The following NAB1 variants were observed in gnomAD, a reference collection of about 807,000 sequenced individuals.
NAB1 encodes the protein NGFI-A binding protein 1.
A neutral mutation model predicts 49.9 loss-of-function variants in NAB1; 25 were observed. That is an observed-to-expected ratio of 0.50 (90% confidence interval 0.37 to 0.70). The LOEUF is 0.70. Among genes scored for constraint, NAB1 ranks in the 30% least tolerant of loss-of-function variants. The pLI, the probability that NAB1 is intolerant of heterozygous loss-of-function variation, is 0.00. For missense variants in NAB1, 489 were observed against 575.9 expected, an observed-to-expected ratio of 0.85 and a Z score of 1.54; for synonymous variants, 198 against 215.6, an observed-to-expected ratio of 0.92 and a Z score of 0.71.
At chr2:190,671,925 A>C (rs1313407428) in intron 5 of NAB1, among the ~76,000 whole-genome samples, 1 of 151,516 alleles carries the variant, frequency 6.6e-6, no homozygotes, top group Non-Finnish European at 1.5e-5. Flanking sequence ...ACAGGCGTGC[A>C]CCACCATGCC....
chr2:190,678,362 AC>A lies in NAB1; in HGVS notation c.1005+5211del, dbSNP rs1695172792. On this transcript the variant is annotated intron_variant, in intron 6 of 9. Transcript: ENST00000337386. This position sits in a 1 kb window ranked among gnomAD's most constrained non-coding sequence, Gnocchi z 4.9. ...AGTTCCATGAACAAATTTGTTATTA[AC>A]TCCAATGTTATAAGTAACATCTTAG... Among the ~76,000 whole-genome samples the A allele has an allele frequency of 6.6e-6, 1 of 152,100 alleles. No homozygotes were observed. Among genetic ancestry groups the A allele is most frequent in the Non-Finnish European group, 1.5e-5 (1 of 68,030 alleles).
chr2:190,662,530 G>C (rs2125645119), intron 4 of NAB1, among the ~76,000 whole-genome samples: 1 of 152,146 alleles, frequency 6.6e-6, no homozygotes, highest in East Asian at 1.9e-4. Flanking sequence ...CAGGTGCCAA[G>C]GGACAAACCC....
Position 190,670,408 on chromosome 2 carries a change from C to T in NAB1, c.902C>T (p.Ala301Val). The T allele has an allele frequency of 6.2e-7, 1 of 1,613,946 alleles. No homozygotes were observed. The highest frequency in any genetic ancestry group is 8.5e-7 in the Non-Finnish European group (1 of 1,179,906). ...LTRRDELFAL[A>V]RQISREVTYK... ...AGAAGAGATGAGCTTTTTGCCTTGGCTCGACAGATTTCTCGAGAAGTCACC... is the reference window on the plus strand; with the variant it reads ...AGAAGAGATGAGCTTTTTGCCTTGGTTCGACAGATTTCTCGAGAAGTCACC... Residue 301 changes from alanine to valine, a missense_variant, in exon 5 of 10, where the codon GCT (alanine) becomes GTT (valine). Ala to Val is a moderately conservative substitution (Grantham distance 64, BLOSUM62 0). Transcript: ENST00000337386. The surrounding 1 kb of genome is among the most constrained non-coding windows in gnomAD (Gnocchi z 5.3).
At chr2:190,672,178 C>G (rs116795221) in intron 5 of NAB1, among the ~76,000 whole-genome samples, 2 of 152,208 alleles carry the variant, frequency 1.3e-5, no homozygotes, top group South Asian at 2.1e-4. Context: ...TTTTTTACGG[C>G]TGCATGGTAT....
At position 190,667,358 on chromosome 2, in the gene NAB1, A is replaced by G. The variant is rs1326272902; in HGVS notation, c.820-2968A>G. On this transcript the variant is annotated intron_variant, in intron 4 of 9. Transcript: ENST00000337386. This position sits in a 1 kb window ranked among gnomAD's most constrained non-coding sequence, Gnocchi z 4.4. ...ATCAGAGGTTTCCTTAGTAATTTAG[A>G]TTTATTAATATGAAAAATAAATCGC... Among the ~76,000 whole-genome samples the G allele has an allele frequency of 6.6e-6, 1 of 152,200 alleles. No individual in the cohort carries two copies. The highest frequency in any genetic ancestry group is 1.5e-5 in the Non-Finnish European group (1 of 68,030).
rs1445564250 is a variant in NAB1, at chr2:190,675,605, A to G, written c.1005+2453A>G. On this transcript the variant is annotated intron_variant, in intron 6 of 9. Coordinates refer to ENST00000337386, the MANE Select transcript of NAB1 (RefSeq NM_005966.4). The surrounding 1 kb of genome is among the most constrained non-coding windows in gnomAD (Gnocchi z 5.2). ...CTCTGGATTCAAAATTAAGATAATC[A>G]GTGTTACTTTTCCCTGTGAATAACT... is the stretch of plus-strand genomic sequence containing the variant. Among the ~76,000 whole-genome samples the G allele has an allele frequency of 6.6e-6, 1 of 152,212 alleles. No individual in the cohort carries two copies.
At position 190,669,260 on chromosome 2, in the gene NAB1, G is replaced by A. The variant is rs1254183598; in HGVS notation, c.820-1066G>A. On this transcript the variant is annotated intron_variant, in intron 4 of 9. Coordinates refer to ENST00000337386, the MANE Select transcript of NAB1 (RefSeq NM_005966.4). The surrounding 1 kb of genome is among the most constrained non-coding windows in gnomAD (Gnocchi z 4.3). ...GGGTCCCAGTTGACCACAGGTAACT[G>A]AAACCTCAGACAGCAAAACTGTGGG... Among the ~76,000 whole-genome samples, 1 of 152,226 alleles carries A rather than the reference G, an allele frequency of 6.6e-6. No homozygotes were observed. Among genetic ancestry groups the A allele is most frequent in the East Asian group, 1.9e-4 (1 of 5,208 alleles).
At chr2:190,668,313 C>T (rs1162464801) in intron 4 of NAB1, among the ~76,000 whole-genome samples, 1 of 151,992 alleles carries the variant, frequency 6.6e-6, no homozygotes, top group Non-Finnish European at 1.5e-5. Flanking sequence ...ATCTCTTATG[C>T]AGCTTTTTTT....
chr2:190,688,090 CA>C (rs1695708773), intron 9 of NAB1, among the ~76,000 whole-genome samples: 1 of 152,144 alleles, frequency 6.6e-6, no homozygotes. Context: ...GAGACCAGCA[CA>C]ATTTGAAAGA....
intron 5 of NAB1, among the ~76,000 whole-genome samples, chr2:190,671,921 G>T (rs1007288070): frequency 6.6e-6 from 1 of 151,634 alleles, no homozygotes; most frequent in Non-Finnish European, 1.5e-5. Flanking sequence ...GACTACAGGC[G>T]TGCACCACCA....
chr2:190,667,787 G>A lies in NAB1; in HGVS notation c.820-2539G>A, dbSNP rs953311970. Among the ~76,000 whole-genome samples, 1 of 152,010 alleles carries A rather than the reference G, an allele frequency of 6.6e-6. No homozygotes were observed. Among genetic ancestry groups the A allele is most frequent in the African/African-American group, 2.4e-5 (1 of 41,358 alleles). The stretch of plus-strand genomic sequence containing the variant: ...CATTCTAGATGGTTTAAATACTTAG[G>A]TGGGAAAAGTAAAACGATTAGACTA... On this transcript the variant is annotated intron_variant, in intron 4 of 9. Coordinates refer to ENST00000337386, the MANE Select transcript of NAB1 (RefSeq NM_005966.4). The surrounding 1 kb of genome is among the most constrained non-coding windows in gnomAD (Gnocchi z 4.4).
chr2:190,651,470 T>C lies in NAB1; in HGVS notation c.-197+1488T>C, dbSNP rs1574409185. Among the ~76,000 whole-genome samples the C allele has an allele frequency of 6.6e-6, 1 of 152,184 alleles. No homozygotes were observed. Among genetic ancestry groups the C allele is most frequent in the Non-Finnish European group, 1.5e-5 (1 of 68,036 alleles). ...TTCTTTGAAAGAAGAAATTATAAAC[T>C]GGGGGACATCTTTGATGAATTTGTT... On this transcript the variant is annotated intron_variant, in intron 2 of 9. Transcript: ENST00000337386. The surrounding 1 kb of genome is among the most constrained non-coding windows in gnomAD (Gnocchi z 4.3).
In NAB1 at chr2:190,649,878, A is replaced by C. The variant is rs1247049019; in HGVS notation, c.-301A>C. 1.3e-5 allele frequency: 2 copies of C among 152,378 alleles called. No homozygotes were observed. The highest frequency in any genetic ancestry group is 1.9e-4 in the East Asian group (1 of 5,190). The allele number at this position is 152,378 out of a possible 1,614,324, so 9.4% of individuals were successfully genotyped here. On this transcript the variant is annotated 5_prime_UTR_variant, in exon 2 of 10. Coordinates refer to ENST00000337386, the MANE Select transcript of NAB1 (RefSeq NM_005966.4). This position sits in a 1 kb window ranked among gnomAD's most constrained non-coding sequence, Gnocchi z 6.1. ...AGAGTTTTACATGGAAGTGGCTTAC[A>C]GAAACTTGGCGCTGAGGTGCAGGGA...
rs1226690160 is a variant in NAB1 at position 190,666,316 on chromosome 2, T to C, written c.820-4010T>C. On this transcript the variant is annotated intron_variant, in intron 4 of 9. Transcript: ENST00000337386. This position sits in a 1 kb window ranked among gnomAD's most constrained non-coding sequence, Gnocchi z 5.6. The stretch of plus-strand genomic sequence containing the variant: ...GTTGGAGATTATAATTTTAACAACC[T>C]GTAAAGAAAGTTTTTTTAGGAATCA... 6.6e-6 allele frequency among the ~76,000 whole-genome samples: 1 copy of C among 152,196 alleles called. No homozygotes were observed. Among genetic ancestry groups the C allele is most frequent in the Non-Finnish European group, 1.5e-5 (1 of 68,042 alleles).
chr2:190,650,752 A>G (rs1298618203), intron 2 of NAB1, among the ~76,000 whole-genome samples: 1 of 152,190 alleles, frequency 6.6e-6, no homozygotes, highest in Admixed American at 6.5e-5. Context: ...TTTCTTCTCC[A>G]TATTGGTGTC....
At chr2:190,665,488 T>C (rs1694470446) in intron 4 of NAB1, among the ~76,000 whole-genome samples, 1 of 152,224 alleles carries the variant, frequency 6.6e-6, no homozygotes, top group South Asian at 2.1e-4. Flanking sequence ...ATGAAGTCTT[T>C]GAGGGTCTGA....
rs1694601539 is a variant in NAB1, at chr2:190,667,817, A to T, written c.820-2509A>T. On this transcript the variant is annotated intron_variant, in intron 4 of 9. Coordinates refer to ENST00000337386, the MANE Select transcript of NAB1 (RefSeq NM_005966.4). This position sits in a 1 kb window ranked among gnomAD's most constrained non-coding sequence, Gnocchi z 4.4. ...AAAAGTAAAACGATTAGACTAAATT[A>T]TGGAACATTTATATATTATTAGAGT... Among the ~76,000 whole-genome samples, 1 of 152,164 alleles carries T rather than the reference A, an allele frequency of 6.6e-6. No homozygotes were observed. Among genetic ancestry groups the T allele is most frequent in the Non-Finnish European group, 1.5e-5 (1 of 68,000 alleles).
In NAB1 at chr2:190,654,134, G is replaced by C. The variant is rs1860849; in HGVS notation, c.-196-1843G>C. On this transcript the variant is annotated intron_variant, in intron 2 of 9. Transcript: ENST00000337386. The surrounding 1 kb of genome is among the most constrained non-coding windows in gnomAD (Gnocchi z 5.6). ...CATTGAAACTTTGCTAGGAATAAAT[G>C]GGGATAAAAGAGTAATGAAACCTAA... Among the ~76,000 whole-genome samples the C allele has an allele frequency of 0.19, 28,861 of 152,142 alleles. 3,227 individuals carry two copies. The highest frequency in any genetic ancestry group is 0.38 in the East Asian group (1,970 of 5,174).
At chr2:190,653,524 G>A (rs1693772165) in intron 2 of NAB1, among the ~76,000 whole-genome samples, 1 of 152,154 alleles carries the variant, frequency 6.6e-6, no homozygotes, top group Non-Finnish European at 1.5e-5. Context: ...GCCTTACTAG[G>A]ATTTTGCCCG....
Sources: gnomAD v4.1 joint callset for allele counts (sites outside exome capture counted in the v4.1 genomes callset) on GRCh38, gnomAD v4.1.1 for gene constraint, Gnocchi (gnomAD v3.1) non-coding constraint, MANE v1.5 for transcripts, NCBI Gene and HGNC (gene_info 2026-07-23, HGNC 2026-07-21) for gene names.